Variants in TNR observed in about 807,000 individuals in gnomAD.
TNR encodes tenascin-R.
A neutral mutation model predicts 150.4 loss-of-function variants in TNR; 45 were observed. That is an observed-to-expected ratio of 0.30 (90% confidence interval 0.24 to 0.38). The LOEUF (loss-of-function observed/expected upper bound fraction) is 0.38. Among genes scored for constraint, TNR ranks in the 10% least tolerant of loss-of-function variants. TNR has a pLI of 1.00. For missense variants in TNR, 1,544 were observed against 1,759.1 expected (o/e 0.88, Z 2.19); for synonymous variants, 687 against 678.4 (o/e 1.01, Z -0.20).
intron 1 of TNR, among the ~76,000 whole-genome samples, chr1:175,573,533 A>G (rs958934350): frequency 9.2e-5 from 14 of 152,268 alleles, no homozygotes; most frequent in African/African-American, 3.4e-4. Context: ...CAGGTGAGTT[A>G]GCAAATGCTA....
rs905528273 is a variant in TNR at position 175,446,699 on chromosome 1, C to CA, written c.-63-39923dup. ...TTGTATAATTTTAAAAAAAGCAAAA[C>CA]AAAAAAAATCTCGTTCTTGGTGCTC... On this transcript the variant is annotated intron_variant, in intron 2 of 22. Transcript: ENST00000367674. 1.1e-4 allele frequency among the ~76,000 whole-genome samples: 16 copies of CA among 151,914 alleles called. No individual in the cohort carries two copies. In the East Asian group the frequency reaches 2.7e-3, roughly 26 times the overall value.
intron 1 of TNR, among the ~76,000 whole-genome samples, chr1:175,622,345 C>T (rs539283904): frequency 1.3e-5 from 2 of 152,328 alleles, no homozygotes; most frequent in Admixed American, 6.5e-5. Context: ...CCATAGCACT[C>T]ATGCCAGTTT....
At chr1:175,563,784 A>G (rs1157319648) in intron 1 of TNR, among the ~76,000 whole-genome samples, 1 of 151,906 alleles carries the variant, frequency 6.6e-6, no homozygotes, top group African/African-American at 2.4e-5. Context: ...CCTCACACAC[A>G]CTCTCCTGCC....
intron 1 of TNR, among the ~76,000 whole-genome samples, chr1:175,644,993 A>G (rs1478955595): frequency 6.6e-6 from 1 of 152,178 alleles, no homozygotes; most frequent in Non-Finnish European, 1.5e-5. Context: ...CTTGGGAATG[A>G]GCCATTAGTC....
chr1:175,335,638 T>A (rs1650204231), intron 20 of TNR, 73 bp downstream of exon 20: 1 of 1,435,354 alleles, frequency 7.0e-7, no homozygotes, highest in African/African-American at 1.4e-5. Context: ...TAATCTCAGA[T>A]GGACACAAAA....
At chr1:175,612,179 TC>T (rs1663620076) in intron 1 of TNR, among the ~76,000 whole-genome samples, 1 of 152,160 alleles carries the variant, frequency 6.6e-6, no homozygotes, top group Admixed American at 6.5e-5. Context: ...CCCTTGCCTT[TC>T]CACAGTCACT....
At chr1:175,375,674 G>A (rs1218207810) in intron 9 of TNR, among the ~76,000 whole-genome samples, 1 of 152,174 alleles carries the variant, frequency 6.6e-6, no homozygotes, top group Non-Finnish European at 1.5e-5. Context: ...GGCTTCTGCA[G>A]GGAATGGCAA....
chr1:175,607,401 T>C (rs1663444332), intron 1 of TNR, among the ~76,000 whole-genome samples: 1 of 152,216 alleles, frequency 6.6e-6, no homozygotes. Context: ...GACTACAGCA[T>C]CCATGGAGGT....
chr1:175,714,140 G>T (rs772505554), intron 1 of TNR, among the ~76,000 whole-genome samples: 6 of 151,544 alleles, frequency 4.0e-5, no homozygotes, highest in Admixed American at 6.6e-5. Context: ...GCACCCTTTA[G>T]CTCTGGCCCA....
intron 2 of TNR, among the ~76,000 whole-genome samples, chr1:175,483,075 C>T (rs1571503737): frequency 3.3e-5 from 5 of 152,358 alleles, no homozygotes; most frequent in Admixed American, 3.3e-4. Context: ...GCTCCCTAAA[C>T]ATTTGTAAAA....
At chr1:175,345,812 C>G (rs1229721321) in intron 18 of TNR, among the ~76,000 whole-genome samples, 1 of 151,922 alleles carries the variant, frequency 6.6e-6, no homozygotes, top group Non-Finnish European at 1.5e-5. Context: ...TAAAACAGAT[C>G]AGATTTAAAG....
chr1:175,585,101 C>T (rs1662514939), intron 1 of TNR, among the ~76,000 whole-genome samples: 1 of 152,180 alleles, frequency 6.6e-6, no homozygotes, highest in South Asian at 2.1e-4. Context: ...TAACTCATGT[C>T]AACCCATTTA....
chr1:175,435,903 G>C (rs1655487590), intron 2 of TNR, among the ~76,000 whole-genome samples: 1 of 152,138 alleles, frequency 6.6e-6, no homozygotes, highest in African/African-American at 2.4e-5. Context: ...ATGAAGCTTA[G>C]TTTGGCTGGA....
intron 1 of TNR, among the ~76,000 whole-genome samples, chr1:175,673,541 T>C (rs1190437692): frequency 2.0e-5 from 3 of 152,240 alleles, no homozygotes; most frequent in Non-Finnish European, 2.9e-5. Flanking sequence ...GAGTCTCAAA[T>C]GTGAGCTCAT....
chr1:175,661,703 C>T (rs1016067052), intron 1 of TNR, among the ~76,000 whole-genome samples: 22 of 152,120 alleles, frequency 1.4e-4, no homozygotes, highest in Admixed American at 1.4e-3. Context: ...GCCTCCTCTC[C>T]CTGCTCCCTG....
intron 2 of TNR, among the ~76,000 whole-genome samples, chr1:175,480,429 AAGAAAGAAAGAAAG>A (rs985950713): frequency 2.0e-5 from 3 of 149,728 alleles, no homozygotes; most frequent in Non-Finnish European, 3.0e-5. Context: ...AAAAGAAAGA[AAGAAAGAAAGAAAG>A]AGAAAGAAAG....
chr1:175,437,577 A>G lies in TNR; in HGVS notation c.-63-30800T>C, dbSNP rs962194180. 3.9e-5 allele frequency among the ~76,000 whole-genome samples: 6 copies of G among 152,224 alleles called. No homozygotes were observed. In the South Asian group the frequency reaches 8.3e-4, roughly 21 times the overall value. Reference sequence around the variant, plus strand: ...ACACAAAAAACCCTTCAAAAAATCAATGAATTCAGGAGCTGGTTTTTTGAA... The same window carrying G: ...ACACAAAAAACCCTTCAAAAAATCAGTGAATTCAGGAGCTGGTTTTTTGAA... On this transcript the variant is annotated intron_variant, in intron 2 of 22. Coordinates refer to ENST00000367674, the MANE Select transcript of TNR (RefSeq NM_003285.3).
At chr1:175,537,766 C>T (rs994840643) in intron 1 of TNR, among the ~76,000 whole-genome samples, 2 of 152,148 alleles carry the variant, frequency 1.3e-5, no homozygotes, top group African/African-American at 4.8e-5. Flanking sequence ...ATTCTCCGAG[C>T]AGATGGCACA....
chr1:175,650,404 A>C (rs1227543163), intron 1 of TNR, among the ~76,000 whole-genome samples: 1 of 151,980 alleles, frequency 6.6e-6, no homozygotes, highest in Non-Finnish European at 1.5e-5. Flanking sequence ...AAACAAACAA[A>C]GAAAAACTAG....
Sources: gnomAD v4.1 joint callset for allele counts (sites outside exome capture counted in the v4.1 genomes callset) on GRCh38, gnomAD v4.1.1 for gene constraint, MANE v1.5 for transcripts, NCBI Gene and HGNC (gene_info 2026-07-23, HGNC 2026-07-21) for gene names.